The following ELOVL6 variants were observed in gnomAD, a reference collection of about 807,000 sequenced individuals.
ELOVL6 encodes the protein ELOVL fatty acid elongase 6.
A neutral mutation model predicts 31.7 loss-of-function variants in ELOVL6; 8 were observed. The ratio of observed to expected loss-of-function variants is 0.25; its 90% confidence interval spans 0.15 to 0.45. The LOEUF is 0.45. Ranked by LOEUF, ELOVL6 falls within the 20% of genes least tolerant of loss-of-function variation. The pLI is 1.00. For synonymous variants in ELOVL6, 101 were observed against 117.7 expected, an observed-to-expected ratio of 0.86 and a Z score of 0.92; for missense variants, 126 against 326.4, an observed-to-expected ratio of 0.39 and a Z score of 4.73.
At chr4:110,140,852 A>C (rs1757932523) in intron 1 of ELOVL6, among the ~76,000 whole-genome samples, 1 of 151,918 alleles carries the variant, frequency 6.6e-6, no homozygotes, top group Non-Finnish European at 1.5e-5. Flanking sequence ...ATATTCTTTT[A>C]TTACTGTATT....
chr4:110,141,133 A>C (rs901094380), intron 1 of ELOVL6, among the ~76,000 whole-genome samples: 2 of 151,964 alleles, frequency 1.3e-5, no homozygotes, highest in Non-Finnish European at 2.9e-5. Flanking sequence ...GCACGATCTC[A>C]GCTCACCGCA....
rs1238022253 is a variant in ELOVL6 at position 110,081,874 on chromosome 4, A to G, written c.222-22120T>C. Among the ~76,000 whole-genome samples the G allele has an allele frequency of 7.0e-3, 1,047 of 150,224 alleles. 13 individuals are homozygous for G. Among genetic ancestry groups the G allele is most frequent in the African/African-American group, 0.023 (945 of 40,796 alleles). On this transcript the variant is annotated intron_variant, in intron 2 of 3. Coordinates refer to ENST00000302274, the MANE Select transcript of ELOVL6 (RefSeq NM_024090.3). ...CAAAGGGTTAATACCCAGAATCTACAAAGAACTCAAACAAATTTACAAGAA... is the reference window on the plus strand; with the variant it reads ...CAAAGGGTTAATACCCAGAATCTACGAAGAACTCAAACAAATTTACAAGAA...
At chr4:110,090,755 C>A (rs955009687) in intron 2 of ELOVL6, among the ~76,000 whole-genome samples, 2 of 152,030 alleles carry the variant, frequency 1.3e-5, no homozygotes, top group African/African-American at 4.8e-5. Context: ...CAGGTGTGCA[C>A]CACCATGCCC....
chr4:110,048,403 G>A lies in ELOVL6; in HGVS notation c.*2935C>T, dbSNP rs1023091964. ...GAAATCATGTGTGTATGAAATAAAG[G>A]ATTTTTTTTTAGCCCAAGAACAATG... On this transcript the variant is annotated 3_prime_UTR_variant, in exon 4 of 4. Coordinates refer to ENST00000302274, the MANE Select transcript of ELOVL6 (RefSeq NM_024090.3). 2.6e-5 allele frequency: 4 copies of A among 152,118 alleles called. No homozygotes were observed. The highest frequency in any genetic ancestry group is 5.9e-5 in the Non-Finnish European group (4 of 68,036). 9.4% of individuals were successfully genotyped at this position (152,118 alleles called of 1,614,324 possible).
At chr4:110,058,536 C>G (rs937092818) in intron 3 of ELOVL6, among the ~76,000 whole-genome samples, 1 of 152,096 alleles carries the variant, frequency 6.6e-6, no homozygotes, top group Non-Finnish European at 1.5e-5. Flanking sequence ...AGTTCCCATT[C>G]TATCTGAATG....
At chr4:110,084,362 CATATATG>C (rs1425933901) in intron 2 of ELOVL6, among the ~76,000 whole-genome samples, 480 of 41,134 alleles carry the variant, frequency 0.012, 28 homozygotes, top group African/African-American at 0.068. Context: ...ATATATACCG[CATATATG>C]ATATATGATA....
intron 3 of ELOVL6, among the ~76,000 whole-genome samples, chr4:110,052,055 C>A (rs1320427877): frequency 6.6e-6 from 1 of 152,164 alleles, no homozygotes; most frequent in Non-Finnish European, 1.5e-5. Flanking sequence ...AGGCAAGCAG[C>A]AAATGTTTCT....
chr4:110,127,421 A>AAAAG (rs1553959442), intron 1 of ELOVL6, among the ~76,000 whole-genome samples: 6 of 147,034 alleles, frequency 4.1e-5, no homozygotes, highest in Non-Finnish European at 7.4e-5. Flanking sequence ...AAAAAAAAAA[A>AAAAG]AAAAGAAAAG....
chr4:110,106,015 G>A (rs1756880378), intron 1 of ELOVL6, among the ~76,000 whole-genome samples: 2 of 152,110 alleles, frequency 1.3e-5, no homozygotes, highest in African/African-American at 4.8e-5. Context: ...TGTTTTTATT[G>A]GAACTATTTG....
chr4:110,084,562 A>ATATATATT lies in ELOVL6; in HGVS notation c.221+20934_221+20935insAATATATA, dbSNP rs1432489981. On this transcript the variant is annotated intron_variant, in intron 2 of 3. Coordinates refer to ENST00000302274, the MANE Select transcript of ELOVL6 (RefSeq NM_024090.3). ...CACACACACACACACACACACACACAGATATATATATATATATATATATAT... is the reference window on the plus strand; with the variant it reads ...CACACACACACACACACACACACACATATATATTGATATATATATATATATATATATAT... 6.3e-4 allele frequency among the ~76,000 whole-genome samples: 28 copies of ATATATATT among 44,256 alleles called. 1 individual carries two copies. The highest frequency in any genetic ancestry group is 5.3e-3 in the African/African-American group (26 of 4,906). The allele number at this position is 44,256 out of a possible 152,430, so 29.0% of individuals were successfully genotyped here.
intron 2 of ELOVL6, among the ~76,000 whole-genome samples, chr4:110,096,566 T>C (rs1756585311): frequency 6.6e-6 from 1 of 151,576 alleles, no homozygotes; most frequent in African/African-American, 2.4e-5. Flanking sequence ...TTCAAGGGGG[T>C]GGGTGGGGAT....
At chr4:110,171,514 G>T (rs912091156) in intron 1 of ELOVL6, among the ~76,000 whole-genome samples, 1 of 151,770 alleles carries the variant, frequency 6.6e-6, no homozygotes, top group East Asian at 1.9e-4. Flanking sequence ...CCTACACAAT[G>T]AAGTCTCCAT....
At chr4:110,053,855 C>T (rs1489020133) in intron 3 of ELOVL6, among the ~76,000 whole-genome samples, 11 of 152,082 alleles carry the variant, frequency 7.2e-5, no homozygotes, top group Admixed American at 7.2e-4. Context: ...AGGAGAATGG[C>T]ATGAACCCGG....
intron 2 of ELOVL6, among the ~76,000 whole-genome samples, chr4:110,082,307 C>T (rs1008134966): frequency 2.0e-4 from 30 of 151,638 alleles, no homozygotes; most frequent in Admixed American, 9.2e-4. Flanking sequence ...ATGTTTATTG[C>T]GGCACTATTC....
chr4:110,084,111 G>GAT (rs375448228), intron 2 of ELOVL6, among the ~76,000 whole-genome samples: 6 of 48,038 alleles, frequency 1.2e-4, no homozygotes, highest in South Asian at 5.8e-4. Flanking sequence ...TGATATATAT[G>GAT]ATATATATAA....
intron 1 of ELOVL6, among the ~76,000 whole-genome samples, chr4:110,111,966 G>C (rs913671893): frequency 6.6e-6 from 1 of 152,190 alleles, no homozygotes; most frequent in Non-Finnish European, 1.5e-5. Flanking sequence ...TTAAAGTACA[G>C]GACTGAAATG....
intron 1 of ELOVL6, among the ~76,000 whole-genome samples, chr4:110,125,751 T>C (rs1560834100): frequency 6.6e-6 from 1 of 151,234 alleles, no homozygotes; most frequent in Non-Finnish European, 1.5e-5. Flanking sequence ...CGCTTGAACC[T>C]GGGAGGTGGA....
At chr4:110,115,696 C>A (rs78901568) in intron 1 of ELOVL6, among the ~76,000 whole-genome samples, 4,626 of 152,276 alleles carry the variant, frequency 0.03, 156 homozygotes, top group East Asian at 0.16. Flanking sequence ...AGTTTGCAGA[C>A]AATAGCTTTG....
At chr4:110,096,371 G>A (rs993136212) in intron 2 of ELOVL6, among the ~76,000 whole-genome samples, 2 of 152,184 alleles carry the variant, frequency 1.3e-5, no homozygotes, top group African/African-American at 4.8e-5. Context: ...CTCAAAAGGG[G>A]TCAAGAATTC....
Sources: gnomAD v4.1 joint callset for allele counts (sites outside exome capture counted in the v4.1 genomes callset) on GRCh38, gnomAD v4.1.1 for gene constraint, MANE v1.5 for transcripts, NCBI Gene and HGNC (gene_info 2026-07-23, HGNC 2026-07-21) for gene names.